CTNNA3: variants seen among roughly 807,000 people sequenced by gnomAD.
CTNNA3 encodes catenin alpha-3.
A neutral mutation model predicts 95.7 loss-of-function variants in CTNNA3; 76 were observed. The ratio of observed to expected loss-of-function variants is 0.79; its 90% CI spans 0.66 to 0.96. The LOEUF is 0.96. Among genes scored for constraint, CTNNA3 ranks in the 40% least tolerant of loss-of-function variants. The pLI, the probability that CTNNA3 is intolerant of heterozygous loss-of-function variation, is 0.00. For missense variants in CTNNA3, 1,191 were observed against 1,089.8 expected (o/e 1.09, Z -1.31); for synonymous variants, 431 against 374.4 (o/e 1.15, Z -1.74).
chr10:66,144,046 T>A (rs1032368040), intron 13 of CTNNA3, among the ~76,000 whole-genome samples: 3 of 152,236 alleles, frequency 2.0e-5, no homozygotes, highest in Non-Finnish European at 4.4e-5. Context: ...TATGCCCTGA[T>A]AGAATTCTAT....
At chr10:66,466,760 A>G (rs1001641502) in intron 11 of CTNNA3, among the ~76,000 whole-genome samples, 3 of 152,102 alleles carry the variant, frequency 2.0e-5, no homozygotes, top group African/African-American at 7.2e-5. Context: ...TAAAGAATTT[A>G]TCACAGATCT....
intron 7 of CTNNA3, among the ~76,000 whole-genome samples, chr10:67,168,074 T>C (rs1273913209): frequency 6.6e-6 from 1 of 152,180 alleles, no homozygotes; most frequent in African/African-American, 2.4e-5. Flanking sequence ...GGCCAGGGAT[T>C]GCAGTGAGCC....
At chr10:66,788,104 AC>A (rs769320615) in intron 7 of CTNNA3, among the ~76,000 whole-genome samples, 1 of 152,068 alleles carries the variant, frequency 6.6e-6, no homozygotes, top group Non-Finnish European at 1.5e-5. Flanking sequence ...ACTGAACAAA[AC>A]TCAGTAAATT....
intron 12 of CTNNA3, among the ~76,000 whole-genome samples, chr10:66,359,234 TGATA>T (rs140852521): frequency 0.029 from 4,357 of 152,194 alleles, 182 homozygotes; most frequent in African/African-American, 0.097. Flanking sequence ...AGGTAAATGT[TGATA>T]GATAGGAGGT....
rs183811443 is a variant in CTNNA3, at chr10:66,746,649, A to C, written c.1281+19615T>G. Among the ~76,000 whole-genome samples the C allele has an allele frequency of 3.5e-3, 539 of 152,320 alleles. 4 individuals carry two copies. The highest frequency in any genetic ancestry group is 6.8e-3 in the Non-Finnish European group (461 of 68,020). ...AATGGAATCACAAAGAGGTTCACTC[A>C]CTACAATAGGTAACTATAAGTGGAT... is the stretch of plus-strand genomic sequence containing the variant. On this transcript the variant is annotated intron_variant, in intron 9 of 17. Coordinates refer to ENST00000433211, the MANE Select transcript of CTNNA3 (RefSeq NM_013266.4).
chr10:66,063,194 G>GTATATATATATATA (rs150710369), intron 15 of CTNNA3, among the ~76,000 whole-genome samples: 1 of 119,864 alleles, frequency 8.3e-6, no homozygotes, highest in African/African-American at 3.3e-5. Context: ...CTGGATACAT[G>GTATATATATATATA]TATATATATA....
At chr10:67,504,653 T>C (rs1839377836) in intron 5 of CTNNA3, among the ~76,000 whole-genome samples, 1 of 152,140 alleles carries the variant, frequency 6.6e-6, no homozygotes, top group Non-Finnish European at 1.5e-5. Context: ...CATTGGTTAA[T>C]ACCAAGTCTA....
chr10:67,387,098 C>G (rs1844200912), intron 5 of CTNNA3, among the ~76,000 whole-genome samples: 1 of 152,158 alleles, frequency 6.6e-6, no homozygotes. Flanking sequence ...CAGCTCCCAG[C>G]GTGAGCGACG....
At chr10:66,902,594 C>A (rs1845799870) in intron 7 of CTNNA3, among the ~76,000 whole-genome samples, 2 of 152,078 alleles carry the variant, frequency 1.3e-5, no homozygotes, top group Admixed American at 6.5e-5. Context: ...AATCCAGGAG[C>A]TGGTTTTTTG....
At chr10:65,975,302 G>A (rs2078189194) in intron 16 of CTNNA3, among the ~76,000 whole-genome samples, 1 of 152,110 alleles carries the variant, frequency 6.6e-6, no homozygotes, top group African/African-American at 2.4e-5. Context: ...GTAAGCAAAT[G>A]AGGGTTATCC....
At chr10:66,848,890 T>C (rs1187805012) in intron 7 of CTNNA3, among the ~76,000 whole-genome samples, 2 of 152,188 alleles carry the variant, frequency 1.3e-5, no homozygotes, top group African/African-American at 4.8e-5. Context: ...TTTTCAGGTT[T>C]TCTTTCATAA....
intron 7 of CTNNA3, among the ~76,000 whole-genome samples, chr10:66,898,260 CA>C (rs1354922325): frequency 6.6e-6 from 1 of 152,088 alleles, no homozygotes; most frequent in Admixed American, 6.6e-5. Context: ...CTTCTCTGTA[CA>C]AAATGTGACT....
intron 9 of CTNNA3, among the ~76,000 whole-genome samples, chr10:66,637,875 T>C: frequency 6.6e-6 from 1 of 152,268 alleles, no homozygotes; most frequent in South Asian, 2.1e-4. Context: ...GCTGCCAGTC[T>C]TTGGAAAGCA....
chr10:67,726,478 AT>A (rs1841223401), intron 1 of CTNNA3, among the ~76,000 whole-genome samples: 1 of 64,340 alleles, frequency 1.6e-5, no homozygotes, highest in East Asian at 6.3e-4. Context: ...ATAATATTAT[AT>A]ATTATATCAT....
rs1850438602 is a variant in CTNNA3 at position 66,981,467 on chromosome 10, T to C, written c.1047+198850A>G. ...TTACCCATCCCCATTTCCATTTCCATTTATTTTTTTTGGCACTTCAACCTC... is the reference window on the plus strand; with the variant it reads ...TTACCCATCCCCATTTCCATTTCCACTTATTTTTTTTGGCACTTCAACCTC... On this transcript the variant is annotated intron_variant, in intron 7 of 17. Coordinates refer to ENST00000433211, the MANE Select transcript of CTNNA3 (RefSeq NM_013266.4). Among the ~76,000 whole-genome samples the C allele has an allele frequency of 2.0e-5, 3 of 152,316 alleles. No individual in the cohort carries two copies. In the South Asian group the frequency reaches 6.2e-4, roughly 32 times the overall value.
chr10:67,201,815 C>T lies in CTNNA3; in HGVS notation c.843+17792G>A, dbSNP rs191312783. ...CAAAAGATTCATCCACGATCAGCTACGTGATTTGGAAGGCTCAGTGCAATG... is the reference window on the plus strand; with the variant it reads ...CAAAAGATTCATCCACGATCAGCTATGTGATTTGGAAGGCTCAGTGCAATG... On this transcript the variant is annotated intron_variant, in intron 6 of 17. Transcript: ENST00000433211. Among the ~76,000 whole-genome samples, 11 of 152,240 alleles carry T rather than the reference C, an allele frequency of 7.2e-5. No individual in the cohort carries two copies. The East Asian group carries it at 7.7e-4, about 11-fold the overall frequency.
At chr10:66,310,447 C>T (rs1377863028) in intron 12 of CTNNA3, among the ~76,000 whole-genome samples, 1 of 152,100 alleles carries the variant, frequency 6.6e-6, no homozygotes, top group Non-Finnish European at 1.5e-5. Context: ...CTATAAATTG[C>T]CTTTATTTGG....
chr10:66,722,987 A>G (rs918307937), intron 9 of CTNNA3, among the ~76,000 whole-genome samples: 3 of 152,072 alleles, frequency 2.0e-5, no homozygotes, highest in African/African-American at 7.2e-5. Flanking sequence ...TATCATTCAG[A>G]AATGAAGTCT....
At chr10:66,781,007 A>G (rs202194270) in intron 7 of CTNNA3, among the ~76,000 whole-genome samples, 2 of 92,196 alleles carry the variant, frequency 2.2e-5, no homozygotes, top group Non-Finnish European at 5.5e-5. Context: ...ATGTCAAAAC[A>G]TGTGTGTGTA....
Sources: allele counts gnomAD v4.1 joint callset (sites outside exome capture counted in the v4.1 genomes callset), GRCh38; gene constraint gnomAD v4.1.1; transcripts MANE v1.5; gene names NCBI Gene and HGNC (gene_info 2026-07-23, HGNC 2026-07-21).